The following SLC38A2 variants were observed in gnomAD, a reference collection of about 807,000 sequenced individuals.
The protein encoded by SLC38A2 is sodium-coupled neutral amino acid symporter 2.
A neutral mutation model predicts 61.5 loss-of-function variants in SLC38A2; 11 were observed. That is an observed-to-expected ratio of 0.18 (90% CI 0.11 to 0.30). The LOEUF (loss-of-function observed/expected upper bound fraction) is 0.30, where lower values mean the gene tolerates loss of function less well. SLC38A2 is among the 10% of genes least tolerant of loss of function. The pLI, the probability that SLC38A2 is intolerant of heterozygous loss-of-function variation, is 1.00. For missense variants in SLC38A2, 522 were observed against 600.4 expected (o/e 0.87, Z 1.36); for synonymous variants, 217 against 212.5 (o/e 1.02, Z -0.18).
rs768867921 is a variant in SLC38A2, at chr12:46,370,727, C to A, written c.198+49G>T. The A allele has an allele frequency of 3.3e-6, 5 of 1,533,732 alleles. No individual in the cohort carries two copies. In the South Asian group the frequency reaches 4.5e-5, roughly 14 times the overall value. ...TTTGAATTCTAAAAGTAAAACTATT[C>A]TTTTACTCCATAAAGCCACTGACAG... On this transcript the variant is annotated intron_variant, in intron 3 of 15. Coordinates refer to ENST00000256689, the MANE Select transcript of SLC38A2 (RefSeq NM_018976.5).
Position 46,365,452 on chromosome 12 carries a change from C to G in SLC38A2, c.564-263G>C, listed in dbSNP as rs1054090114. 4.0e-5 allele frequency: 22 copies of G among 547,140 alleles called. No homozygotes were observed. In the Middle Eastern group the frequency reaches 1.4e-3, roughly 35 times the overall value. The allele number at this position is 547,140 out of a possible 1,614,324, so 33.9% of individuals were successfully genotyped here. A position where few individuals can be genotyped will look rare whatever the true frequency, so the allele number is the denominator to read the frequency against. On this transcript the variant is annotated intron_variant, in intron 7 of 15. Coordinates refer to ENST00000256689, the MANE Select transcript of SLC38A2 (RefSeq NM_018976.5). The stretch of plus-strand genomic sequence containing the variant: ...GCTCTGGGAAGGCTGCCAGCTGATT[C>G]ATAACACAAAATGCTTCTCAAAGAC...
chr12:46,362,594 G>A lies in SLC38A2; in HGVS notation c.1224C>T (p.Phe408=). 6 of 1,590,878 alleles carry A rather than the reference G, an allele frequency of 3.8e-6. No individual in the cohort carries two copies. Among genetic ancestry groups the A allele is most frequent in the Non-Finnish European group, 5.1e-6 (6 of 1,174,744 alleles). The change falls in exon 14 of 16, where the codon TTC becomes TTT. Residue 408 remains phenylalanine (F), a synonymous_variant. Transcript: ENST00000256689. ...VTHLLCASKD[F]SWWRHSLITV... Reference sequence around the variant, plus strand: ...TAATGAGACTATGACGCCACCAACTGAAATCTTTTGATGCACACAACAAGT... The same window carrying A: ...TAATGAGACTATGACGCCACCAACTAAAATCTTTTGATGCACACAACAAGT...
chr12:46,369,908 C>A (rs116609116), intron 4 of SLC38A2, among the ~76,000 whole-genome samples: 313 of 152,202 alleles, frequency 2.1e-3, no homozygotes, highest in African/African-American at 7.2e-3. Context: ...CTAAAGTATT[C>A]ATTTTTTGCC....
chr12:46,371,633 CCT>C (rs781301799), intron 1 of SLC38A2: 12 of 294,292 alleles, frequency 4.1e-5, no homozygotes, highest in Non-Finnish European at 7.6e-5. Context: ...AGTATTTCAC[CCT>C]CTCTATTGTC....
chr12:46,363,471 C>T (rs1324243974), intron 12 of SLC38A2, among the ~76,000 whole-genome samples: 1 of 151,952 alleles, frequency 6.6e-6, no homozygotes, highest in South Asian at 2.1e-4. Context: ...AATATGAACT[C>T]AGAGGCTGGC....
At chr12:46,365,047 A>G in intron 8 of SLC38A2, 60 bp downstream of exon 8, 1 of 1,394,762 alleles carries the variant, frequency 7.2e-7, no homozygotes, top group East Asian at 2.3e-5. Flanking sequence ...CTATTCAGAG[A>G]AAGCCCAACT....
At chr12:46,366,826 A>G (rs746762257) in intron 7 of SLC38A2, 38 bp downstream of exon 7, 6 of 1,539,322 alleles carry the variant, frequency 3.9e-6, no homozygotes, top group East Asian at 2.2e-5. Context: ...ACTTTTGACT[A>G]TAATTGTTTC....
intron 1 of SLC38A2, among the ~76,000 whole-genome samples, chr12:46,371,893 G>A (rs957346734): frequency 2.0e-5 from 3 of 152,214 alleles, no homozygotes; most frequent in Admixed American, 6.5e-5. Flanking sequence ...GGCGGAAAGG[G>A]CCGACACTAC....
At chr12:46,368,530 T>C (rs1301105996) in intron 4 of SLC38A2, among the ~76,000 whole-genome samples, 1 of 152,176 alleles carries the variant, frequency 6.6e-6, no homozygotes, top group Non-Finnish European at 1.5e-5. Context: ...ACTAATTTTT[T>C]AAAGAAATTA....
Position 46,372,532 on chromosome 12 carries a change from AG to A in SLC38A2, c.-111del. 3.3e-6 allele frequency: 1 copy of A among 307,300 alleles called. No individual in the cohort carries two copies. Among genetic ancestry groups the A allele is most frequent in the Non-Finnish European group, 5.9e-6 (1 of 170,240 alleles). 19.0% of individuals were successfully genotyped at this position (307,300 alleles called of 1,614,324 possible). On this transcript the variant is annotated 5_prime_UTR_variant, in exon 1 of 16. Transcript: ENST00000256689. ...ACCTCGGTGGTCTCTATTCTCACGC[AG>A]ACGTCTTCAGTGGGTTTCTCTCAGT...
chr12:46,372,671 T>C lies in SLC38A2; in HGVS notation c.-249A>G, dbSNP rs945373498. On this transcript the variant is annotated 5_prime_UTR_variant, in exon 1 of 16. Transcript: ENST00000256689. ...AAATTGCCGCCCCAATCCTCCGGCG[T>C]CCGCCGTGTCAAGGGAAAGGCGCGA... The C allele has an allele frequency of 7.5e-6, 3 of 398,546 alleles. No individual in the cohort carries two copies. The highest frequency in any genetic ancestry group is 1.3e-4 in the South Asian group (1 of 7,864). 24.7% of individuals were successfully genotyped at this position (398,546 alleles called of 1,614,324 possible).
chr12:46,365,331 C>A, intron 7 of SLC38A2, 142 bp from the exon 8 acceptor site: 1 of 706,948 alleles, frequency 1.4e-6, no homozygotes, highest in South Asian at 1.7e-5. Context: ...TTCCCCTGTT[C>A]AAGATAGGAA....
chr12:46,364,299 A>G (rs779780201), intron 10 of SLC38A2, 90 bp downstream of exon 10: 2 of 1,326,642 alleles, frequency 1.5e-6, no homozygotes, highest in Non-Finnish European at 2.0e-6. Context: ...TAAAGCACCT[A>G]TTATCCTCCT....
intron 6 of SLC38A2, 44 bp from the exon 7 acceptor site, chr12:46,366,989 C>T: frequency 6.2e-7 from 1 of 1,606,822 alleles, no homozygotes; most frequent in Non-Finnish European, 8.5e-7. Flanking sequence ...CAAAACGCGG[C>T]ACGTGACACT....
Position 46,363,913 on chromosome 12 carries a change from G to C in SLC38A2, c.953+11C>G. 1.2e-6 allele frequency: 2 copies of C among 1,600,018 alleles called. No individual in the cohort carries two copies. Among genetic ancestry groups the C allele is most frequent in the Non-Finnish European group, 1.7e-6 (2 of 1,175,366 alleles). ...TATTTTCTCAAATTTATGTAAAAAT[G>C]AAATACTCACTCTTTCAGTTCTTCA... On this transcript the variant is annotated intron_variant, in intron 11 of 15. Coordinates refer to ENST00000256689, the MANE Select transcript of SLC38A2 (RefSeq NM_018976.5).
At chr12:46,366,088 G>A (rs1261279489) in intron 7 of SLC38A2, among the ~76,000 whole-genome samples, 1 of 152,134 alleles carries the variant, frequency 6.6e-6, no homozygotes, top group African/African-American at 2.4e-5. Context: ...CCTTCCCCAT[G>A]TTTACTTTAG....
rs1943108449 is a variant in SLC38A2, at chr12:46,363,717, GTTAC to G, written c.1054+5_1054+8del. ...TTGTTTTTGTTTTGGTAAAGGAGGC[GTTAC>G]TTACCGTAAAATGTTAGGTATCCAA... On this transcript the variant is annotated splice_donor_5th_base_variant and intron_variant, in intron 12 of 15. Transcript: ENST00000256689. The G allele has an allele frequency of 1.3e-6, 2 of 1,529,144 alleles. No homozygotes were observed. Among genetic ancestry groups the G allele is most frequent in the Non-Finnish European group, 1.8e-6 (2 of 1,140,592 alleles). 94.7% of individuals were successfully genotyped at this position (1,529,144 alleles called of 1,614,324 possible).
intron 4 of SLC38A2, 84 bp from the exon 5 acceptor site, chr12:46,367,424 T>C (rs938199364): frequency 3.8e-6 from 3 of 796,842 alleles, no homozygotes; most frequent in Admixed American, 4.2e-5. Flanking sequence ...TTAAATAACA[T>C]TATGTGTGCA....
chr12:46,364,607 T>C, intron 9 of SLC38A2, 37 bp downstream of exon 9: 3 of 1,595,338 alleles, frequency 1.9e-6, no homozygotes, highest in Non-Finnish European at 2.6e-6. Flanking sequence ...TGGCAGGGCT[T>C]ATAAAAAATT....
Sources: gnomAD v4.1 joint callset for allele counts (sites outside exome capture counted in the v4.1 genomes callset) on GRCh38, gnomAD v4.1.1 for gene constraint, MANE v1.5 for transcripts, NCBI Gene and HGNC (gene_info 2026-07-23, HGNC 2026-07-21) for gene names.